SPATA6L: variants seen among roughly 807,000 people sequenced by gnomAD.
SPATA6L encodes the protein spermatogenesis associated 6 like.
A neutral mutation model predicts 49.2 loss-of-function variants in SPATA6L; 68 were observed. The ratio of observed to expected loss-of-function variants is 1.38; its 90% CI spans 1.14 to 1.69. The LOEUF (loss-of-function observed/expected upper bound fraction) is 1.69, where lower values mean the gene tolerates loss of function less well. Ranked by LOEUF, SPATA6L falls within the 40% of genes most tolerant of loss-of-function variation. The probability of loss-of-function intolerance (pLI) is 0.00; values close to 1 mark genes in which losing one functional copy is unlikely to be tolerated. For synonymous variants in SPATA6L, 198 were observed against 165.7 expected, an observed-to-expected ratio of 1.19 and a Z score of -1.50; for missense variants, 668 against 464.3, an observed-to-expected ratio of 1.44 and a Z score of -4.03.
chr9:4,599,973 A>G lies in SPATA6L; in HGVS notation c.*838T>C, dbSNP rs1404118802. ...TGTGCCTCTAGTCTCCCTTTATCCC[A>G]GCCCCTTCCTATTCCTGCTCCCTCA... On this transcript the variant is annotated 3_prime_UTR_variant, in exon 12 of 12. Transcript: ENST00000682582. 6.6e-6 allele frequency among the ~76,000 whole-genome samples: 1 copy of G among 152,152 alleles called. No homozygotes were observed. The highest frequency in any genetic ancestry group is 6.5e-5 in the Admixed American group (1 of 15,280).
chr9:4,610,650 G>A (rs1277941042), intron 9 of SPATA6L, among the ~76,000 whole-genome samples: 2 of 152,098 alleles, frequency 1.3e-5, no homozygotes, highest in East Asian at 3.9e-4. Flanking sequence ...ATCAATTCCA[G>A]ATGGATTAAA....
intron 9 of SPATA6L, chr9:4,617,267 ATAT>A (rs1828233139): frequency 6.6e-6 from 1 of 152,188 alleles, no homozygotes; most frequent in African/African-American, 2.4e-5. Flanking sequence ...GATCTTATAA[ATAT>A]TATTTTCAGT....
chr9:4,627,673 A>C, intron 5 of SPATA6L: 1 of 1,175,106 alleles, frequency 8.5e-7, no homozygotes, highest in Non-Finnish European at 1.1e-6. Context: ...AATTGGGGTG[A>C]GGGAGGCAGA....
chr9:4,663,330 C>A, intron 1 of SPATA6L: 1 of 1,503,098 alleles, frequency 6.7e-7, no homozygotes, highest in South Asian at 1.2e-5. Flanking sequence ...TCAACCTAAA[C>A]CAGCAGCCAT....
At chr9:4,655,271 C>T (rs1276825817) in intron 3 of SPATA6L, among the ~76,000 whole-genome samples, 1 of 152,120 alleles carries the variant, frequency 6.6e-6, no homozygotes, top group Non-Finnish European at 1.5e-5. Flanking sequence ...AAACATTACA[C>T]TAAGAATTCA....
rs1438618515 is a variant in SPATA6L, at chr9:4,644,685, T to TCTCACA, written c.227-9287_227-9286insTGTGAG. Among the ~76,000 whole-genome samples the TCTCACA allele has an allele frequency of 9.6e-3, 1,032 of 107,706 alleles. 7 individuals are homozygous for TCTCACA. The highest frequency in any genetic ancestry group is 0.037 in the African/African-American group (969 of 26,110). The allele number at this position is 107,706 out of a possible 152,430, so 70.7% of individuals were successfully genotyped here. Reference sequence around the variant, plus strand: ...CTCTCTCTCTCTCTCTCTCTCTCTCTCACACACACACACACACACACACAC... The same window carrying TCTCACA: ...CTCTCTCTCTCTCTCTCTCTCTCTCTCTCACACACACACACACACACACACACACAC... On this transcript the variant is annotated intron_variant, in intron 3 of 11. Transcript: ENST00000682582.
chr9:4,630,657 A>C (rs1484794580), intron 4 of SPATA6L, among the ~76,000 whole-genome samples: 2 of 152,200 alleles, frequency 1.3e-5, no homozygotes, highest in Admixed American at 6.5e-5. Flanking sequence ...ATTTTCATTT[A>C]TACCACTTAT....
chr9:4,657,857 G>C (rs1455684565), intron 2 of SPATA6L, among the ~76,000 whole-genome samples: 7 of 152,112 alleles, frequency 4.6e-5, no homozygotes, highest in African/African-American at 1.7e-4. Context: ...CATCTGTTTG[G>C]TAAATGACTC....
Position 4,600,237 on chromosome 9 carries a change from C to A in SPATA6L, c.*574G>T, listed in dbSNP as rs10974640. Among the ~76,000 whole-genome samples, 107,630 of 151,974 alleles carry A rather than the reference C, an allele frequency of 0.71. 38,757 individuals carry two copies. Among genetic ancestry groups the A allele is most frequent in the Middle Eastern group, 0.81 (237 of 294 alleles). On this transcript the variant is annotated 3_prime_UTR_variant, in exon 12 of 12. Coordinates refer to ENST00000682582, the MANE Select transcript of SPATA6L (RefSeq NM_001353486.2). ...CCTCCTCTTACAAATTTATCACAGA[C>A]ATTCAACATCTAAAACAAGATCTGA... is the stretch of plus-strand genomic sequence containing the variant.
rs553292127 is a variant in SPATA6L at position 4,632,268 on chromosome 9, T to G, written c.351+3007A>C. On this transcript the variant is annotated intron_variant, in intron 4 of 11. Coordinates refer to ENST00000682582, the MANE Select transcript of SPATA6L (RefSeq NM_001353486.2). The stretch of plus-strand genomic sequence containing the variant: ...GCTATTATCGAAGTGATGGCTCTTT[T>G]TTGTGGTATCTCGGAGGCAATCAGC... Among the ~76,000 whole-genome samples the G allele has an allele frequency of 4.6e-5, 7 of 151,910 alleles. No homozygotes were observed. In the South Asian group the frequency reaches 1.5e-3, roughly 32 times the overall value.
chr9:4,650,872 G>T (rs1439107888), intron 3 of SPATA6L, among the ~76,000 whole-genome samples: 6 of 137,724 alleles, frequency 4.4e-5, no homozygotes, highest in Non-Finnish European at 9.2e-5. Context: ...GTGTGTGTGT[G>T]TGTATTTTTG....
rs1481554195 is a variant in SPATA6L, at chr9:4,609,614, C to G, written c.996-4174G>C. Among the ~76,000 whole-genome samples the G allele has an allele frequency of 3.3e-5, 5 of 151,640 alleles. No individual in the cohort carries two copies. The East Asian group carries it at 9.6e-4, about 29-fold the overall frequency. On this transcript the variant is annotated intron_variant, in intron 9 of 11. Coordinates refer to ENST00000682582, the MANE Select transcript of SPATA6L (RefSeq NM_001353486.2). Reference sequence around the variant, plus strand: ...TCAACAACACTTCATGCTAAAAACTCTCAATAAATTAGGTATTGATGGGAC... The same window carrying G: ...TCAACAACACTTCATGCTAAAAACTGTCAATAAATTAGGTATTGATGGGAC...
chr9:4,596,099 A>G (rs1010412578), downstream of SPATA6L, among the ~76,000 whole-genome samples: 3 of 152,130 alleles, frequency 2.0e-5, no homozygotes, highest in African/African-American at 7.2e-5. Flanking sequence ...AGTTTGCAAC[A>G]CCTTTTGGGA....
chr9:4,620,168 T>A (rs549451269), intron 7 of SPATA6L, among the ~76,000 whole-genome samples: 1 of 152,278 alleles, frequency 6.6e-6, no homozygotes, highest in Admixed American at 6.5e-5. Context: ...CTAAGGCCCT[T>A]TCAGCTATAG....
chr9:4,654,822 TG>T (rs1220878553), intron 3 of SPATA6L, among the ~76,000 whole-genome samples: 5 of 152,014 alleles, frequency 3.3e-5, no homozygotes. Context: ...AGGCACAGGA[TG>T]GGGGCATGGT....
rs1206433302 is a variant in SPATA6L at position 4,618,903 on chromosome 9, A to G, written c.773-5T>C. Reference sequence around the variant, plus strand: ...CAAGGCTGTCAAGAGAAGAAGCTAGAAGAAAGAGGAACAGGCATTTCAATG... The same window carrying G: ...CAAGGCTGTCAAGAGAAGAAGCTAGGAGAAAGAGGAACAGGCATTTCAATG... On this transcript the variant is annotated splice_region_variant and splice_polypyrimidine_tract_variant and intron_variant, in intron 7 of 11. Transcript: ENST00000682582. The G allele has an allele frequency of 1.2e-6, 2 of 1,613,196 alleles. No individual in the cohort carries two copies. The highest frequency in any genetic ancestry group is 1.7e-6 in the Non-Finnish European group (2 of 1,179,428).
intron 7 of SPATA6L, among the ~76,000 whole-genome samples, chr9:4,621,046 G>C (rs1302282572): frequency 6.6e-6 from 1 of 152,222 alleles, no homozygotes; most frequent in Non-Finnish European, 1.5e-5. Context: ...AGACTTAAAA[G>C]TAGTCCCTTA....
chr9:4,654,380 G>A (rs563771436), intron 3 of SPATA6L, among the ~76,000 whole-genome samples: 3 of 152,298 alleles, frequency 2.0e-5, no homozygotes, highest in South Asian at 4.1e-4. Flanking sequence ...GCAGACAGAC[G>A]GGGGCAGGCT....
At chr9:4,626,471 A>G in intron 5 of SPATA6L, 1 of 1,304,362 alleles carries the variant, frequency 7.7e-7, no homozygotes, top group South Asian at 1.2e-5. Context: ...CCTTCTCCAG[A>G]GGTCTGGGTC....
Sources: gnomAD v4.1 joint callset for allele counts (sites outside exome capture counted in the v4.1 genomes callset) on GRCh38, gnomAD v4.1.1 for gene constraint, MANE v1.5 for transcripts, NCBI Gene and HGNC (gene_info 2026-07-23, HGNC 2026-07-21) for gene names.